PCDH15: variants seen among roughly 807,000 people sequenced by gnomAD.
The protein encoded by PCDH15 is protocadherin-15.
A neutral mutation model predicts 178.5 loss-of-function variants in PCDH15; 129 were observed. That is an observed-to-expected ratio of 0.72 (90% CI 0.63 to 0.84). The LOEUF is 0.84. Ranked by LOEUF, PCDH15 falls within the 40% of genes least tolerant of loss-of-function variation. The pLI, the probability that PCDH15 is intolerant of heterozygous loss-of-function variation, is 0.00. For missense variants in PCDH15, 2,230 were observed against 2,099.9 expected (o/e 1.06, Z -1.21); for synonymous variants, 800 against 732.0 (o/e 1.09, Z -1.50).
At chr10:54,982,484 T>G in intron 2 of PCDH15, among the ~76,000 whole-genome samples, 1 of 152,170 alleles carries the variant, frequency 6.6e-6, no homozygotes, top group East Asian at 1.9e-4. Context: ...TTTGCATAGG[T>G]AGGAATTATA....
chr10:54,669,123 G>A (rs1327343749), intron 1 of PCDH15, among the ~76,000 whole-genome samples: 1 of 152,070 alleles, frequency 6.6e-6, no homozygotes. Flanking sequence ...TTGCTTAAAT[G>A]ACTAGAGAGA....
intron 3 of PCDH15, among the ~76,000 whole-genome samples, chr10:54,491,813 G>T (rs2079619701): frequency 6.6e-6 from 1 of 151,998 alleles, no homozygotes; most frequent in African/African-American, 2.4e-5. Context: ...TCCCTTTTAG[G>T]AATATATGGT....
chr10:53,829,726 T>C (rs1295197984), intron 30 of PCDH15, among the ~76,000 whole-genome samples: 3 of 152,172 alleles, frequency 2.0e-5, no homozygotes, highest in Non-Finnish European at 4.4e-5. Context: ...TTGGAATTAC[T>C]TGAAAAGTAA....
intron 21 of PCDH15, among the ~76,000 whole-genome samples, chr10:53,991,327 T>C (rs1378760281): frequency 6.6e-6 from 1 of 152,148 alleles, no homozygotes; most frequent in Non-Finnish European, 1.5e-5. Context: ...GGATTGTACA[T>C]GCACCAATCA....
At chr10:55,570,788 C>T (rs1217118987) in intron 2 of PCDH15, among the ~76,000 whole-genome samples, 1 of 152,078 alleles carries the variant, frequency 6.6e-6, no homozygotes, top group South Asian at 2.1e-4. Context: ...TAATGAAAAG[C>T]CTGACCTTCT....
chr10:54,489,952 A>C (rs2137097630), intron 3 of PCDH15, among the ~76,000 whole-genome samples: 1 of 152,300 alleles, frequency 6.6e-6, no homozygotes, highest in African/African-American at 2.4e-5. Flanking sequence ...TTAGTTCAAT[A>C]ACTGGCATGT....
intron 2 of PCDH15, among the ~76,000 whole-genome samples, chr10:55,436,404 C>T (rs1413674): frequency 0.77 from 117,028 of 152,110 alleles, 46,311 homozygotes; most frequent in East Asian, 1. Flanking sequence ...AATTTCAATG[C>T]TGTATTATAA....
intron 2 of PCDH15, among the ~76,000 whole-genome samples, chr10:54,995,402 A>G (rs867491985): frequency 6.6e-6 from 1 of 151,942 alleles, no homozygotes; most frequent in East Asian, 1.9e-4. Context: ...AAAAAAAAAA[A>G]AAAAGAAGGA....
upstream of PCDH15, among the ~76,000 whole-genome samples, chr10:54,805,588 T>C (rs1271652980): frequency 1.3e-5 from 2 of 152,200 alleles, no homozygotes; most frequent in Non-Finnish European, 2.9e-5. Context: ...ATTTAGTTTC[T>C]TGCCAGCAAT....
At chr10:53,984,244 G>A (rs774297602) in intron 21 of PCDH15, among the ~76,000 whole-genome samples, 2 of 145,258 alleles carry the variant, frequency 1.4e-5, no homozygotes, top group Non-Finnish European at 3.0e-5. Flanking sequence ...CCGCCTCCTG[G>A]GTTCACACCA....
At chr10:54,404,370 G>T (rs942301080) in intron 3 of PCDH15, among the ~76,000 whole-genome samples, 6 of 151,840 alleles carry the variant, frequency 4.0e-5, no homozygotes, top group African/African-American at 1.4e-4. Context: ...AAGGTCACAT[G>T]CCTCCAACTA....
At chr10:55,084,303 G>A (rs77553925) in intron 2 of PCDH15, among the ~76,000 whole-genome samples, 3 of 151,564 alleles carry the variant, frequency 2.0e-5, no homozygotes, top group South Asian at 2.1e-4. Context: ...TGAATAAGGC[G>A]CCAAGAGCGT....
Position 54,100,562 on chromosome 10 carries a change from G to A in PCDH15, c.1918-10499C>T, listed in dbSNP as rs151089850. Among the ~76,000 whole-genome samples, 1,356 of 152,188 alleles carry A rather than the reference G, an allele frequency of 8.9e-3. 8 individuals carry two copies. The highest frequency in any genetic ancestry group is 0.013 in the Admixed American group (201 of 15,288). Reference sequence around the variant, plus strand: ...ATGGCACAAGGCTGTCATGATGATAGAATGAAAGAGTTCATATCTAGAATT... The same window carrying A: ...ATGGCACAAGGCTGTCATGATGATAAAATGAAAGAGTTCATATCTAGAATT... On this transcript the variant is annotated intron_variant, in intron 15 of 37. Coordinates refer to ENST00000644397, the MANE Select transcript of PCDH15 (RefSeq NM_001384140.1).
chr10:55,481,414 A>T (rs1268449221), intron 2 of PCDH15, among the ~76,000 whole-genome samples: 1 of 151,482 alleles, frequency 6.6e-6, no homozygotes, highest in Non-Finnish European at 1.5e-5. Context: ...TAGTTCTTTT[A>T]GTTGCAATGT....
rs145634185 is a variant in PCDH15 at position 54,711,164 on chromosome 10, C to A, written c.-28-46874G>T. Among the ~76,000 whole-genome samples, 1,393 of 152,038 alleles carry A rather than the reference C, an allele frequency of 9.2e-3. 21 individuals carry two copies. The highest frequency in any genetic ancestry group is 0.055 in the East Asian group (284 of 5,168). Reference sequence around the variant, plus strand: ...CAGGCTATTCACATACTTAATAGACCTGAACAAATACTCAGAAGAGTTTCA... The same window carrying A: ...CAGGCTATTCACATACTTAATAGACATGAACAAATACTCAGAAGAGTTTCA... On this transcript the variant is annotated intron_variant, in intron 1 of 37. Coordinates refer to ENST00000644397, the MANE Select transcript of PCDH15 (RefSeq NM_001384140.1).
At chr10:54,151,763 C>A (rs1258870097) in intron 14 of PCDH15, among the ~76,000 whole-genome samples, 1 of 152,016 alleles carries the variant, frequency 6.6e-6, no homozygotes, top group African/African-American at 2.4e-5. Context: ...ATATATAAAT[C>A]TCTTGTGTTC....
chr10:55,322,804 T>TG (rs558066154), upstream of PCDH15, among the ~76,000 whole-genome samples: 3,505 of 145,208 alleles, frequency 0.024, 129 homozygotes, highest in African/African-American at 0.08. Flanking sequence ...AAAAAAAAAA[T>TG]GGGGGGGGAG....
At chr10:54,431,946 A>G (rs931066140) in intron 3 of PCDH15, among the ~76,000 whole-genome samples, 13 of 151,896 alleles carry the variant, frequency 8.6e-5, no homozygotes, top group African/African-American at 2.7e-4. Context: ...AAAAAATTTT[A>G]GAAATAAAAA....
chr10:54,709,135 C>T (rs976556433), intron 1 of PCDH15, among the ~76,000 whole-genome samples: 11 of 152,172 alleles, frequency 7.2e-5, no homozygotes, highest in African/African-American at 2.6e-4. Flanking sequence ...GAAAACCAAA[C>T]AATTCATTAC....
Sources: gnomAD v4.1 joint callset for allele counts (sites outside exome capture counted in the v4.1 genomes callset) on GRCh38, gnomAD v4.1.1 for gene constraint, MANE v1.5 for transcripts, NCBI Gene and HGNC (gene_info 2026-07-23, HGNC 2026-07-21) for gene names.